CDH13: variants seen among roughly 807,000 people sequenced by gnomAD.
CDH13 encodes cadherin 13, also known as cadherin-13.
In CDH13, 24 loss-of-function variants were observed where a neutral mutation model predicts 63.8. That is an observed-to-expected ratio of 0.38 (90% CI 0.27 to 0.53). CDH13 has a LOEUF of 0.53. CDH13 is among the 20% of genes least tolerant of loss of function. The pLI is 0.85. For synonymous variants in CDH13, 503 were observed against 355.3 expected, an observed-to-expected ratio of 1.42 and a Z score of -4.67; for missense variants, 1,049 against 903.1, an observed-to-expected ratio of 1.16 and a Z score of -2.07.
At chr16:82,656,312 C>CGTGTGTGT (rs111540944) in intron 1 of CDH13, among the ~76,000 whole-genome samples, 40 of 146,564 alleles carry the variant, frequency 2.7e-4, no homozygotes, top group African/African-American at 9.5e-4. Flanking sequence ...GAATGGTGTG[C>CGTGTGTGT]GTGTGTGTGT....
At chr16:82,755,248 A>C (rs148827779) in intron 1 of CDH13, among the ~76,000 whole-genome samples, 1 of 152,286 alleles carries the variant, frequency 6.6e-6, no homozygotes, top group East Asian at 1.9e-4. Flanking sequence ...TTAAGGCCTA[A>C]GTGAGATATG....
In CDH13 at chr16:83,654,701, C is replaced by T. The variant is rs550968323; in HGVS notation, c.1102-16089C>T. 4 of 152,304 alleles carry T rather than the reference C, an allele frequency of 2.6e-5. No homozygotes were observed. The South Asian group carries it at 8.3e-4, about 32-fold the overall frequency. 9.4% of individuals were successfully genotyped at this position (152,304 alleles called of 1,614,324 possible). A position where few individuals can be genotyped will look rare whatever the true frequency, so the allele number is the denominator to read the frequency against. On this transcript the variant is annotated intron_variant, in intron 8 of 13. Transcript: ENST00000567109. ...AACTACCATGCCTGTACTTTCGTCT[C>T]CAGGCAAATATACTCAAAATAGTTT...
At chr16:83,018,911 G>A (rs1915072477) in intron 2 of CDH13, among the ~76,000 whole-genome samples, 1 of 152,186 alleles carries the variant, frequency 6.6e-6, no homozygotes, top group Admixed American at 6.5e-5. Context: ...CACCTGTATA[G>A]GGCACTTACT....
intron 7 of CDH13, among the ~76,000 whole-genome samples, chr16:83,524,328 G>T (rs7195811): frequency 6.6e-6 from 1 of 151,988 alleles, no homozygotes; most frequent in Non-Finnish European, 1.5e-5. Context: ...ATTTAAAAAT[G>T]TATAACCACA....
chr16:83,376,282 G>T (rs1004331744), intron 6 of CDH13, among the ~76,000 whole-genome samples: 4 of 152,130 alleles, frequency 2.6e-5, no homozygotes, highest in Non-Finnish European at 4.4e-5. Flanking sequence ...ATTAGTCTCT[G>T]TATGCACAGA....
intron 4 of CDH13, among the ~76,000 whole-genome samples, chr16:83,209,905 T>C (rs1478428637): frequency 2.0e-5 from 3 of 151,892 alleles, no homozygotes; most frequent in African/African-American, 7.3e-5. Flanking sequence ...GCAGAGTAGG[T>C]GGGGGATGGC....
At chr16:83,161,338 A>G (rs72800243) in intron 4 of CDH13, among the ~76,000 whole-genome samples, 16,094 of 150,240 alleles carry the variant, frequency 0.11, 918 homozygotes, top group Middle Eastern at 0.21. Context: ...GAGCTTCTAT[A>G]TTAAAGAAAT....
chr16:83,391,129 C>T (rs1258401688), intron 6 of CDH13, among the ~76,000 whole-genome samples: 1 of 152,146 alleles, frequency 6.6e-6, no homozygotes, highest in Non-Finnish European at 1.5e-5. Flanking sequence ...CCCAGGGGGT[C>T]CTGAGAGGCC....
chr16:83,564,872 T>C (rs190736330), intron 7 of CDH13, among the ~76,000 whole-genome samples: 8 of 152,324 alleles, frequency 5.3e-5, no homozygotes, highest in African/African-American at 1.9e-4. Flanking sequence ...CACAGCACAA[T>C]TGTCTGAGTC....
At chr16:83,720,682 C>G (rs1371748326) in intron 10 of CDH13, among the ~76,000 whole-genome samples, 1 of 152,146 alleles carries the variant, frequency 6.6e-6, no homozygotes, top group Admixed American at 6.5e-5. Flanking sequence ...AGACAGGGTG[C>G]CAGACACCTT....
intron 7 of CDH13, among the ~76,000 whole-genome samples, chr16:83,519,256 T>C (rs2074773145): frequency 6.6e-6 from 1 of 152,198 alleles, no homozygotes; most frequent in Non-Finnish European, 1.5e-5. Flanking sequence ...TCTGAGAATA[T>C]GATCAGGCCT....
At chr16:82,732,361 A>C (rs2033448436) in intron 1 of CDH13, among the ~76,000 whole-genome samples, 1 of 152,220 alleles carries the variant, frequency 6.6e-6, no homozygotes, top group African/African-American at 2.4e-5. Flanking sequence ...TTAAGTAATA[A>C]ATGGCTGTCA....
At chr16:83,117,445 A>C (rs573505103) in intron 3 of CDH13, among the ~76,000 whole-genome samples, 1 of 152,110 alleles carries the variant, frequency 6.6e-6, no homozygotes, top group African/African-American at 2.4e-5. Flanking sequence ...TGTCTAAAAC[A>C]TCAGCACCCT....
Position 83,582,645 on chromosome 16 carries a change from A to G in CDH13, c.961-19809A>G, listed in dbSNP as rs555504486. On this transcript the variant is annotated intron_variant, in intron 7 of 13. Transcript: ENST00000567109. ...AGGTCTCTCAGGAGTGGAGACATTCACTTCCCAGCCGTGGGACATTTACCC... is the reference window on the plus strand; with the variant it reads ...AGGTCTCTCAGGAGTGGAGACATTCGCTTCCCAGCCGTGGGACATTTACCC... Among the ~76,000 whole-genome samples, 496 of 152,258 alleles carry G rather than the reference A, an allele frequency of 3.3e-3. 1 individual carries two copies. The highest frequency in any genetic ancestry group is 8.1e-3 in the Admixed American group (124 of 15,304).
chr16:82,707,001 A>G (rs1012807744), intron 1 of CDH13, among the ~76,000 whole-genome samples: 1 of 152,176 alleles, frequency 6.6e-6, no homozygotes, highest in Non-Finnish European at 1.5e-5. Flanking sequence ...TAAGGAAAGG[A>G]AAAGGATAGT....
At chr16:82,907,124 T>A (rs1458641883) in intron 2 of CDH13, among the ~76,000 whole-genome samples, 1 of 152,194 alleles carries the variant, frequency 6.6e-6, no homozygotes, top group Non-Finnish European at 1.5e-5. Context: ...CTCCATAAGT[T>A]ATTTTGGAAT....
intron 1 of CDH13, among the ~76,000 whole-genome samples, chr16:82,836,444 C>G (rs1220894651): frequency 6.6e-6 from 1 of 152,166 alleles, no homozygotes; most frequent in East Asian, 1.9e-4. Context: ...GCCGCTGTGC[C>G]TGGCCAAGAC....
chr16:83,299,257 T>C (rs780470043), intron 5 of CDH13, among the ~76,000 whole-genome samples: 5 of 150,562 alleles, frequency 3.3e-5, no homozygotes, highest in Non-Finnish European at 5.9e-5. Context: ...TATTCCCTTA[T>C]TTTGGATGCT....
intron 6 of CDH13, among the ~76,000 whole-genome samples, chr16:83,400,041 G>A (rs1207795381): frequency 2.0e-5 from 3 of 151,932 alleles, no homozygotes; most frequent in Admixed American, 6.6e-5. Context: ...TTTCTTAATC[G>A]TTCCCTTATA....
Sources: gnomAD v4.1 joint callset for allele counts (sites outside exome capture counted in the v4.1 genomes callset) on GRCh38, gnomAD v4.1.1 for gene constraint, MANE v1.5 for transcripts, NCBI Gene and HGNC (gene_info 2026-07-23, HGNC 2026-07-21) for gene names.